The following TTC28 variants were observed in gnomAD, a reference collection of about 807,000 sequenced individuals.
TTC28 encodes tetratricopeptide repeat domain 28.
A neutral mutation model predicts 198.0 loss-of-function variants in TTC28; 61 were observed. The observed-to-expected ratio is 0.31, with a 90% CI of 0.25 to 0.38. The LOEUF (loss-of-function observed/expected upper bound fraction) is 0.38, where lower values mean the gene tolerates loss of function less well. TTC28 is among the 10% of genes least tolerant of loss of function. The probability of loss-of-function intolerance (pLI) is 1.00; values close to 1 mark genes in which losing one functional copy is unlikely to be tolerated. For synonymous variants in TTC28, 1,171 were observed against 1,297.8 expected (o/e 0.90, Z 2.10); for missense variants, 2,678 against 3,164.0 (o/e 0.85, Z 3.69).
chr22:28,383,696 C>T (rs908430576), intron 2 of TTC28, among the ~76,000 whole-genome samples: 3 of 152,120 alleles, frequency 2.0e-5, no homozygotes, highest in African/African-American at 7.2e-5. Flanking sequence ...ATATCTAGAA[C>T]GCACCTTTTC....
At chr22:28,416,944 T>C (rs1002857513) in intron 2 of TTC28, among the ~76,000 whole-genome samples, 1 of 152,170 alleles carries the variant, frequency 6.6e-6, no homozygotes, top group African/African-American at 2.4e-5. Flanking sequence ...AGCATATCCA[T>C]AATATTAATA....
At chr22:28,237,553 T>C (rs570214679) in intron 5 of TTC28, among the ~76,000 whole-genome samples, 1 of 152,358 alleles carries the variant, frequency 6.6e-6, no homozygotes, top group Middle Eastern at 3.4e-3. Flanking sequence ...TTTGAGCTAT[T>C]ATTGTAATGT....
chr22:28,537,333 T>C (rs181222988), intron 2 of TTC28, among the ~76,000 whole-genome samples: 2,220 of 142,668 alleles, frequency 0.016, 76 homozygotes, highest in Non-Finnish European at 0.024. Flanking sequence ...TAAAATAAAA[T>C]AAAATAAAAA....
intron 2 of TTC28, among the ~76,000 whole-genome samples, chr22:28,614,411 C>G (rs2050868488): frequency 6.6e-6 from 1 of 152,160 alleles, no homozygotes; most frequent in Non-Finnish European, 1.5e-5. Context: ...ATCAAGCTAC[C>G]ATTAACTTTC....
At chr22:28,139,160 G>A (rs899141627) in intron 6 of TTC28, among the ~76,000 whole-genome samples, 1 of 152,138 alleles carries the variant, frequency 6.6e-6, no homozygotes. Flanking sequence ...ATCATGCATT[G>A]TGCTGGAGGA....
At chr22:28,499,870 G>T (rs1294223515) in intron 2 of TTC28, among the ~76,000 whole-genome samples, 3 of 152,090 alleles carry the variant, frequency 2.0e-5, no homozygotes, top group Non-Finnish European at 4.4e-5. Context: ...TACATATAAT[G>T]TATAGTGATC....
chr22:28,205,566 G>C (rs1159521792), intron 5 of TTC28, among the ~76,000 whole-genome samples: 1 of 152,070 alleles, frequency 6.6e-6, no homozygotes, highest in African/African-American at 2.4e-5. Context: ...AAAAATGTCA[G>C]ACTGGTGAAT....
chr22:28,352,771 A>G (rs773769773), intron 2 of TTC28, among the ~76,000 whole-genome samples: 18 of 152,236 alleles, frequency 1.2e-4, no homozygotes, highest in Non-Finnish European at 2.4e-4. Context: ...CAGGATAGTG[A>G]TGTAGATGGG....
At chr22:28,321,370 T>C (rs1439302399) in intron 2 of TTC28, among the ~76,000 whole-genome samples, 1 of 152,244 alleles carries the variant, frequency 6.6e-6, no homozygotes, top group African/African-American at 2.4e-5. Flanking sequence ...TGTTCATAAA[T>C]TTTCTGTGTC....
chr22:28,276,133 T>C, intron 5 of TTC28, among the ~76,000 whole-genome samples: 1 of 151,964 alleles, frequency 6.6e-6, no homozygotes, highest in East Asian at 1.9e-4. Flanking sequence ...CACCTCAGCC[T>C]CCCGAGTAGC....
At chr22:27,995,316 CA>C (rs1438387062) in intron 17 of TTC28, among the ~76,000 whole-genome samples, 1 of 152,156 alleles carries the variant, frequency 6.6e-6, no homozygotes, top group East Asian at 1.9e-4. Context: ...TTGGCTGTGG[CA>C]TAACTGTTCA....
Position 28,589,726 on chromosome 22 carries a change from C to T in TTC28, c.381+39826G>A, listed in dbSNP as rs186205935. 7.3e-4 allele frequency among the ~76,000 whole-genome samples: 111 copies of T among 152,140 alleles called. No homozygotes were observed. The South Asian group carries it at 0.014, about 19-fold the overall frequency. ...GAGGTTTTTGGTAACCCTGCAGTTA[C>T]CTCTAGTTGAATTATAAAAATAACA... On this transcript the variant is annotated intron_variant, in intron 2 of 22. Transcript: ENST00000397906.
At chr22:28,674,970 C>A (rs529838489) in intron 1 of TTC28, among the ~76,000 whole-genome samples, 55 of 152,206 alleles carry the variant, frequency 3.6e-4, no homozygotes, top group African/African-American at 1.3e-3. Context: ...AAAGGACTTA[C>A]ACTTAATTTC....
chr22:28,160,063 G>A (rs1451881002), intron 6 of TTC28, among the ~76,000 whole-genome samples: 2 of 152,194 alleles, frequency 1.3e-5, no homozygotes, highest in Non-Finnish European at 2.9e-5. Flanking sequence ...GGCTGGGAAG[G>A]GTAGTGGGGG....
At chr22:28,476,908 C>G (rs1193358390) in intron 2 of TTC28, among the ~76,000 whole-genome samples, 1 of 152,106 alleles carries the variant, frequency 6.6e-6, no homozygotes, top group African/African-American at 2.4e-5. Flanking sequence ...GTAGTAAAGT[C>G]AAACAATTAC....
intron 5 of TTC28, among the ~76,000 whole-genome samples, chr22:28,273,380 AATG>A (rs1284147951): frequency 6.6e-6 from 1 of 152,176 alleles, no homozygotes; most frequent in Non-Finnish European, 1.5e-5. Flanking sequence ...TTCAAGGAAA[AATG>A]ATAAGCTAGA....
chr22:28,505,739 C>T (rs2048602767), intron 2 of TTC28, among the ~76,000 whole-genome samples: 1 of 152,182 alleles, frequency 6.6e-6, no homozygotes, highest in African/African-American at 2.4e-5. Context: ...CCATGCATAC[C>T]CCTAGGAACT....
At chr22:28,226,441 T>C (rs1928345379) in intron 5 of TTC28, among the ~76,000 whole-genome samples, 1 of 152,234 alleles carries the variant, frequency 6.6e-6, no homozygotes, top group Non-Finnish European at 1.5e-5. Flanking sequence ...CTTCTCTTTT[T>C]ATGAGACAGA....
intron 2 of TTC28, 76 bp from the exon 3 acceptor site, chr22:28,306,719 C>A (rs2045154570): frequency 6.9e-7 from 1 of 1,458,576 alleles, no homozygotes; most frequent in South Asian, 1.3e-5. Flanking sequence ...ACTAGAACAA[C>A]AGGTCAGCAG....
Sources: gnomAD v4.1 joint callset for allele counts (sites outside exome capture counted in the v4.1 genomes callset) on GRCh38, gnomAD v4.1.1 for gene constraint, MANE v1.5 for transcripts, NCBI Gene and HGNC (gene_info 2026-07-23, HGNC 2026-07-21) for gene names.